ZCCHC24: variants seen among roughly 807,000 people sequenced by gnomAD.
The protein encoded by ZCCHC24 is zinc finger CCHC-type containing 24, also known as zinc finger CCHC domain-containing protein 24.
In ZCCHC24, 10 loss-of-function variants were observed where a neutral mutation model predicts 26.2. The ratio of observed to expected loss-of-function variants is 0.38; its 90% CI spans 0.24 to 0.65. The LOEUF is 0.65. Among genes scored for constraint, ZCCHC24 ranks in the 30% least tolerant of loss-of-function variants. ZCCHC24 has a pLI of 0.54. For synonymous variants in ZCCHC24, 144 were observed against 147.1 expected (o/e 0.98, Z 0.15); for missense variants, 243 against 329.1 (o/e 0.74, Z 2.03).
At chr10:79,434,207 C>G (rs976875115) in intron 1 of ZCCHC24, among the ~76,000 whole-genome samples, 2 of 152,210 alleles carry the variant, frequency 1.3e-5, no homozygotes, top group South Asian at 4.1e-4. Context: ...GCCAGCCCAG[C>G]ACACAGTCAC....
At chr10:79,390,036 T>TA (rs895099342) in intron 3 of ZCCHC24, among the ~76,000 whole-genome samples, 9 of 152,112 alleles carry the variant, frequency 5.9e-5, no homozygotes, top group Non-Finnish European at 1.2e-4. Context: ...GCTAATTGTT[T>TA]AAAAAAAATT....
At chr10:79,429,467 G>A (rs1857096280) in intron 2 of ZCCHC24, among the ~76,000 whole-genome samples, 2 of 152,180 alleles carry the variant, frequency 1.3e-5, no homozygotes, top group South Asian at 4.1e-4. Flanking sequence ...TGGATTCCCA[G>A]CTACTCGGGA....
At position 79,432,553 on chromosome 10, in the gene ZCCHC24, C is replaced by T. The variant is rs201141991; in HGVS notation, c.447+5G>A. 1.6e-5 allele frequency: 25 copies of T among 1,593,372 alleles called. No individual in the cohort carries two copies. Among genetic ancestry groups the T allele is most frequent in the Non-Finnish European group, 2.1e-5 (24 of 1,169,832 alleles). On this transcript the variant is annotated splice_donor_5th_base_variant and intron_variant, in intron 2 of 3. Coordinates refer to ENST00000372336, the MANE Select transcript of ZCCHC24 (RefSeq NM_153367.4). The stretch of plus-strand genomic sequence containing the variant: ...AGAGCACCCCCTGGGCCAGGGCTGC[C>T]TTACCTGGGGGCAGTCCTTGATGTA...
intron 1 of ZCCHC24, among the ~76,000 whole-genome samples, chr10:79,433,926 G>C (rs1353359798): frequency 6.6e-6 from 1 of 152,216 alleles, no homozygotes; most frequent in Non-Finnish European, 1.5e-5. Flanking sequence ...CAGGGCACAG[G>C]GCACAGTCTT....
At chr10:79,436,330 C>T (rs1429614162) in intron 1 of ZCCHC24, among the ~76,000 whole-genome samples, 2 of 152,194 alleles carry the variant, frequency 1.3e-5, no homozygotes, top group Admixed American at 6.5e-5. Context: ...AGGGTTGTGG[C>T]CTTGACCTCA....
At chr10:79,416,391 C>A (rs1208099132) in intron 2 of ZCCHC24, among the ~76,000 whole-genome samples, 2 of 152,222 alleles carry the variant, frequency 1.3e-5, no homozygotes, top group Non-Finnish European at 2.9e-5. Flanking sequence ...CCTTGTCTTG[C>A]CTCCAACTCA....
intron 2 of ZCCHC24, among the ~76,000 whole-genome samples, chr10:79,410,464 C>T (rs904739950): frequency 1.3e-5 from 2 of 152,182 alleles, no homozygotes; most frequent in Non-Finnish European, 2.9e-5. Flanking sequence ...TGAGCAGAGC[C>T]CCATGTTCTG....
chr10:79,415,222 C>T (rs967556174), intron 2 of ZCCHC24, among the ~76,000 whole-genome samples: 4 of 152,194 alleles, frequency 2.6e-5, no homozygotes, highest in East Asian at 1.9e-4. Context: ...ATCAAGGTCA[C>T]TCCCCAGCCT....
rs547989436 is a variant in ZCCHC24, at chr10:79,434,994, C to A, written c.247-2236G>T. 2.9e-3 allele frequency among the ~76,000 whole-genome samples: 434 copies of A among 152,182 alleles called. 4 individuals are homozygous for A. The highest frequency in any genetic ancestry group is 1.0e-2 in the African/African-American group (415 of 41,520). ...GCCTTGGAGCACCTGGACTTCCCAACCACCAGGGTCTCCCCTTATCTTGAC... is the reference window on the plus strand; with the variant it reads ...GCCTTGGAGCACCTGGACTTCCCAAACACCAGGGTCTCCCCTTATCTTGAC... On this transcript the variant is annotated intron_variant, in intron 1 of 3. Transcript: ENST00000372336.
chr10:79,437,847 C>A (rs1348020724), intron 1 of ZCCHC24, among the ~76,000 whole-genome samples: 2 of 152,170 alleles, frequency 1.3e-5, no homozygotes, highest in African/African-American at 4.8e-5. Context: ...TCCTTCCCTG[C>A]AGGACAGTAG....
chr10:79,445,614 T>TC lies in ZCCHC24; in HGVS notation c.-175dup, dbSNP rs1006109502. 5.0e-5 allele frequency: 20 copies of TC among 401,212 alleles called. No homozygotes were observed. The highest frequency in any genetic ancestry group is 4.2e-4 in the African/African-American group (19 of 45,256). 24.9% of individuals were successfully genotyped at this position (401,212 alleles called of 1,614,324 possible). The stretch of plus-strand genomic sequence containing the variant: ...CGCAGCCGCTGCCGCTGCCGCCGCC[T>TC]CCCCCCGACTGCGGCCCCGGCGCGC... On this transcript the variant is annotated 5_prime_UTR_variant, in exon 1 of 4. Coordinates refer to ENST00000372336, the MANE Select transcript of ZCCHC24 (RefSeq NM_153367.4).
rs1245432122 is a variant in ZCCHC24 at position 79,406,509 on chromosome 10, C to T, written c.448-12069G>A. Among the ~76,000 whole-genome samples, 7 of 152,286 alleles carry T rather than the reference C, an allele frequency of 4.6e-5. No homozygotes were observed. The South Asian group carries it at 1.0e-3, about 23-fold the overall frequency. On this transcript the variant is annotated intron_variant, in intron 2 of 3. Transcript: ENST00000372336. ...CCCAAACTGACCTTTCTCCACTGTC[C>T]CCAAAGGCGAGGGTGTTCTGTGCAG...
intron 1 of ZCCHC24, among the ~76,000 whole-genome samples, chr10:79,441,343 G>C (rs899760534): frequency 1.3e-5 from 2 of 152,026 alleles, no homozygotes; most frequent in African/African-American, 4.8e-5. Flanking sequence ...GGGTTTTAAT[G>C]GCCATGTCCA....
chr10:79,445,329 C>A lies in ZCCHC24; in HGVS notation c.112G>T (p.Asp38Tyr), dbSNP rs1243354542. Residue 38 changes from aspartate (D) to tyrosine (Y), a missense_variant, in exon 1 of 4, where the codon GAT becomes TAT. Physicochemically the swap from Asp to Tyr is radical, Grantham distance 160. Transcript: ENST00000372336. Reference sequence around the variant, plus strand: ...GCGGTCGGCTCGGGCCGGAAGGCATCGAAGGCGCTAGCCTGGTGCGTGTCC... The same window carrying A: ...GCGGTCGGCTCGGGCCGGAAGGCATAGAAGGCGCTAGCCTGGTGCGTGTCC... Reference protein sequence around the residue: ...LQDTHQASAFDAFRPEPTAGA... With the variant: ...LQDTHQASAFYAFRPEPTAGA... 1.3e-6 allele frequency: 2 copies of A among 1,525,022 alleles called. No homozygotes were observed. Among genetic ancestry groups the A allele is most frequent in the Non-Finnish European group, 8.8e-7 (1 of 1,138,356 alleles). 94.5% of individuals were successfully genotyped at this position (1,525,022 alleles called of 1,614,324 possible).
chr10:79,392,821 T>C (rs1483033532), intron 3 of ZCCHC24, among the ~76,000 whole-genome samples: 1 of 152,276 alleles, frequency 6.6e-6, no homozygotes, highest in Non-Finnish European at 1.5e-5. Flanking sequence ...GCTTCTGTGC[T>C]TCTCAAACCT....
At position 79,445,386 on chromosome 10, in the gene ZCCHC24, G is replaced by GGGC; in HGVS notation, c.52_54dup (p.Ala18dup). 1 of 1,522,008 alleles carries GGGC rather than the reference G, an allele frequency of 6.6e-7. No homozygotes were observed. The allele number at this position is 1,522,008 out of a possible 1,614,324, so 94.3% of individuals were successfully genotyped here. On this transcript the variant is annotated inframe_insertion, in exon 1 of 4. Transcript: ENST00000372336. ...GACAGGTAGACCCAGTTGAGCAGCTGGGCGGGCTGGTACACCGAGGCGGCG... is the reference window on the plus strand; with the variant it reads ...GACAGGTAGACCCAGTTGAGCAGCTGGGCGGCGGGCTGGTACACCGAGGCGGCG...
At chr10:79,443,191 C>T (rs1490947653) in intron 1 of ZCCHC24, among the ~76,000 whole-genome samples, 1 of 152,168 alleles carries the variant, frequency 6.6e-6, no homozygotes, top group East Asian at 1.9e-4. Flanking sequence ...GCTCCTTTCA[C>T]ACTGTGTGAC....
intron 2 of ZCCHC24, among the ~76,000 whole-genome samples, chr10:79,426,022 C>T (rs577943032): frequency 6.6e-6 from 1 of 152,278 alleles, no homozygotes; most frequent in East Asian, 1.9e-4. Flanking sequence ...GCTTCTAGCA[C>T]CTTCTCCCTC....
chr10:79,445,289 G>A lies in ZCCHC24; in HGVS notation c.152C>T (p.Pro51Leu). The change falls in exon 1 of 4, where the codon CCG becomes CTG. Residue 51 changes from proline to leucine, a missense_variant. Around this residue, in one of 2 missense-constraint regions of ZCCHC24, gnomAD observed 147 missense variants for 150.8 expected, o/e 0.97. Coordinates refer to ENST00000372336, the MANE Select transcript of ZCCHC24 (RefSeq NM_153367.4). ...RPEPTAGAAP[P>L]ELAFGKGRPE... ...GCGGCCCTTGCCGAAGGCCAGCTCCGGGGGTGCGGCGCCGGCGGTCGGCTC... is the reference window on the plus strand; with the variant it reads ...GCGGCCCTTGCCGAAGGCCAGCTCCAGGGGTGCGGCGCCGGCGGTCGGCTC... 1 of 1,484,856 alleles carries A rather than the reference G, an allele frequency of 6.7e-7. No individual in the cohort carries two copies. Among genetic ancestry groups the A allele is most frequent in the East Asian group, 2.9e-5 (1 of 34,052 alleles). The allele number at this position is 1,484,856 out of a possible 1,614,324, so 92.0% of individuals were successfully genotyped here. A position where few individuals can be genotyped will look rare whatever the true frequency, so the allele number is the denominator to read the frequency against.
Sources: gnomAD v4.1 joint callset for allele counts (sites outside exome capture counted in the v4.1 genomes callset) on GRCh38, gnomAD v4.1.1 for gene constraint, gnomAD v4.1.1 regional missense constraint, MANE v1.5 for transcripts, NCBI Gene and HGNC (gene_info 2026-07-23, HGNC 2026-07-21) for gene names.